BAZ1B: variants seen among roughly 807,000 people sequenced by gnomAD.
The protein encoded by BAZ1B is bromodomain adjacent to zinc finger domain 1B, also known as tyrosine-protein kinase BAZ1B.
In BAZ1B, 22 loss-of-function variants were observed where a neutral mutation model predicts 153.8. The ratio of observed to expected loss-of-function variants is 0.14; its 90% CI spans 0.10 to 0.20. The LOEUF (loss-of-function observed/expected upper bound fraction) is 0.20, where lower values mean the gene tolerates loss of function less well. BAZ1B is among the 10% of genes least tolerant of loss of function. The probability of loss-of-function intolerance (pLI) is 1.00; values close to 1 mark genes in which losing one functional copy is unlikely to be tolerated. For synonymous variants in BAZ1B, 676 were observed against 633.4 expected (o/e 1.07, Z -1.01); for missense variants, 1,325 against 1,799.3 (o/e 0.74, Z 4.77).
chr7:73,518,981 C>T (rs1475862145), intron 1 of BAZ1B, among the ~76,000 whole-genome samples: 1 of 151,946 alleles, frequency 6.6e-6, no homozygotes, highest in Non-Finnish European at 1.5e-5. Context: ...AGAACTGATT[C>T]TGATAAAGTT....
chr7:73,466,458 A>C, intron 9 of BAZ1B, 57 bp from the exon 10 acceptor site: 1 of 1,258,084 alleles, frequency 7.9e-7, no homozygotes, highest in Non-Finnish European at 1.2e-6. Context: ...GCTAGTTTCA[A>C]ATCTAAGCAG....
At chr7:73,461,151 T>A (rs2116279613) in intron 12 of BAZ1B, among the ~76,000 whole-genome samples, 1 of 152,214 alleles carries the variant, frequency 6.6e-6, no homozygotes, top group East Asian at 1.9e-4. Context: ...AATTTTTGTA[T>A]TTTTAGTAGA....
intron 11 of BAZ1B, 127 bp from the exon 12 acceptor site, chr7:73,463,226 T>G: frequency 1.2e-6 from 1 of 821,912 alleles, no homozygotes; most frequent in Non-Finnish European, 1.8e-6. Context: ...CTCCCTGGTG[T>G]TTTTTCTTTT....
intron 3 of BAZ1B, among the ~76,000 whole-genome samples, chr7:73,503,033 TCTC>T (rs1312348478): frequency 6.6e-6 from 1 of 152,218 alleles, no homozygotes; most frequent in Non-Finnish European, 1.5e-5. Flanking sequence ...ACCTGGGTTA[TCTC>T]CTCATTGGAC....
At chr7:73,471,505 T>C (rs763853096) in intron 7 of BAZ1B, among the ~76,000 whole-genome samples, 2 of 152,176 alleles carry the variant, frequency 1.3e-5, no homozygotes, top group Non-Finnish European at 2.9e-5. Flanking sequence ...AATGTCACAA[T>C]TTTTAAGAAG....
At chr7:73,512,318 G>A (rs1790620574) in intron 1 of BAZ1B, among the ~76,000 whole-genome samples, 1 of 149,638 alleles carries the variant, frequency 6.7e-6, no homozygotes, top group South Asian at 2.1e-4. Flanking sequence ...TTTTTTAGCT[G>A]ATCAACTGTT....
chr7:73,490,731 T>TA (rs1789605057), intron 5 of BAZ1B, among the ~76,000 whole-genome samples: 1 of 151,488 alleles, frequency 6.6e-6, no homozygotes, highest in Non-Finnish European at 1.5e-5. Flanking sequence ...TCAGCCTCCC[T>TA]AGTAGCTGGG....
At chr7:73,498,412 G>A in intron 4 of BAZ1B, 85 bp downstream of exon 4, 2 of 1,285,046 alleles carry the variant, frequency 1.6e-6, no homozygotes, top group South Asian at 2.6e-5. Flanking sequence ...CACACATTTA[G>A]TTGCTAGAGA....
At chr7:73,501,830 CCT>C (rs778039494) in intron 3 of BAZ1B, among the ~76,000 whole-genome samples, 25 of 152,150 alleles carry the variant, frequency 1.6e-4, no homozygotes, top group Non-Finnish European at 3.1e-4. Context: ...GCTAGATTCC[CCT>C]GATTATAAAC....
intron 3 of BAZ1B, among the ~76,000 whole-genome samples, chr7:73,503,524 C>T (rs140412036): frequency 1.3e-5 from 2 of 151,948 alleles, no homozygotes; most frequent in African/African-American, 4.8e-5. Context: ...CAGAAATGCA[C>T]CACCATGCAC....
intron 6 of BAZ1B, among the ~76,000 whole-genome samples, chr7:73,487,197 G>T (rs1017965989): frequency 6.6e-6 from 1 of 152,152 alleles, no homozygotes; most frequent in Non-Finnish European, 1.5e-5. Context: ...GAAATTCTGG[G>T]AGAAGCTTAT....
At chr7:73,494,752 A>G (rs1380175802) in intron 4 of BAZ1B, among the ~76,000 whole-genome samples, 1 of 152,196 alleles carries the variant, frequency 6.6e-6, no homozygotes, top group African/African-American at 2.4e-5. Flanking sequence ...CTGTCTCAAA[A>G]ATAAACAAAC....
chr7:73,461,732 A>T (rs897895390), intron 12 of BAZ1B, among the ~76,000 whole-genome samples: 2 of 152,226 alleles, frequency 1.3e-5, no homozygotes, highest in African/African-American at 4.8e-5. Flanking sequence ...AGTACTTATA[A>T]ATTAGGAAAA....
intron 7 of BAZ1B, among the ~76,000 whole-genome samples, chr7:73,475,115 T>A (rs970350373): frequency 7.9e-5 from 12 of 152,336 alleles, no homozygotes; most frequent in African/African-American, 2.9e-4. Flanking sequence ...GAACCTTTAA[T>A]TCACTGCTGG....
intron 11 of BAZ1B, chr7:73,464,048 GACAACAC>G: frequency 1.2e-6 from 1 of 867,818 alleles, no homozygotes; most frequent in Non-Finnish European, 1.4e-6. Flanking sequence ...TCTGTATTCA[GACAACAC>G]AATTCTGAAT....
Position 73,444,081 on chromosome 7 carries a change from G to A in BAZ1B, c.3893C>T (p.Ala1298Val), listed in dbSNP as rs1467542920. 6.2e-6 allele frequency: 10 copies of A among 1,613,102 alleles called. No homozygotes were observed. The highest frequency in any genetic ancestry group is 7.6e-6 in the Non-Finnish European group (9 of 1,179,630). The part of the protein sequence containing the change: ...IRGKHSVIPP[A>V]ARSGRRPGKK... The stretch of plus-strand genomic sequence containing the variant: ...ACCCGGGCGCCGGCCTGACCTTGCT[G>A]CAGGGGGGATGACGCTGTGCTTGCC... The change falls in exon 17 of 20, where the codon GCA (alanine) becomes GTA (valine). Residue 1298 changes from alanine (A) to valine (V), a missense_variant. Transcript: ENST00000339594.
rs782721967 is a variant in BAZ1B at position 73,442,709 on chromosome 7, AG to A, written c.4094+15del. ...AGGCCACTCCTCTCCCCTGCACCTG[AG>A]AACACAGCACTCACCTGAAGGGCCA... On this transcript the variant is annotated intron_variant, in intron 18 of 19. Coordinates refer to ENST00000339594, the MANE Select transcript of BAZ1B (RefSeq NM_032408.4). 1 of 1,612,198 alleles carries A rather than the reference AG, an allele frequency of 6.2e-7. No individual in the cohort carries two copies. The highest frequency in any genetic ancestry group is 1.1e-5 in the South Asian group (1 of 91,000).
At chr7:73,459,489 C>G (rs782520700) in intron 13 of BAZ1B, 47 bp downstream of exon 13, 2 of 1,574,928 alleles carry the variant, frequency 1.3e-6, no homozygotes, top group Non-Finnish European at 1.7e-6. Context: ...AAAACCAAAT[C>G]AACTCATCTA....
intron 16 of BAZ1B, among the ~76,000 whole-genome samples, chr7:73,445,200 T>C (rs1252427190): frequency 1.3e-5 from 2 of 152,152 alleles, no homozygotes; most frequent in Non-Finnish European, 2.9e-5. Flanking sequence ...GAGATGACAC[T>C]GGACACAGAG....
Sources: allele counts gnomAD v4.1 joint callset (sites outside exome capture counted in the v4.1 genomes callset), GRCh38; gene constraint gnomAD v4.1.1; transcripts MANE v1.5; gene names NCBI Gene and HGNC (gene_info 2026-07-23, HGNC 2026-07-21).